The following ABI3BP variants were observed in gnomAD, a reference collection of about 807,000 sequenced individuals.
ABI3BP encodes the protein ABI family member 3 binding protein, also known as target of Nesh-SH3.
Under a neutral mutation model 268.6 loss-of-function variants are expected in ABI3BP, and 216 were observed. The observed-to-expected ratio is 0.80, with a 90% CI of 0.72 to 0.90. The LOEUF (loss-of-function observed/expected upper bound fraction) is 0.90, where lower values mean the gene tolerates loss of function less well. ABI3BP is among the 40% of genes least tolerant of loss of function. The pLI is 0.00. For synonymous variants in ABI3BP, 730 were observed against 730.0 expected (o/e 1.00, Z 0.00); for missense variants, 2,090 against 2,182.4 (o/e 0.96, Z 0.84).
chr3:100,900,735 T>G (rs933262969), intron 3 of ABI3BP, among the ~76,000 whole-genome samples: 1 of 152,178 alleles, frequency 6.6e-6, no homozygotes, highest in African/African-American at 2.4e-5. Flanking sequence ...AGTCATTACA[T>G]TATTCCTAAA....
At position 100,841,194 on chromosome 3, in the gene ABI3BP, C is replaced by CTTTTTTTTTT. The variant is rs60261694; in HGVS notation, c.1766-346_1766-337dup. 2.9e-3 allele frequency among the ~76,000 whole-genome samples: 113 copies of CTTTTTTTTTT among 39,624 alleles called. 8 individuals are homozygous for CTTTTTTTTTT. Among genetic ancestry groups the CTTTTTTTTTT allele is most frequent in the East Asian group, 9.1e-3 (9 of 986 alleles). 26.0% of individuals were successfully genotyped at this position (39,624 alleles called of 152,430 possible). ...AATTGGCTAAGATGGCATTAGAACA[C>CTTTTTTTTTT]TTTTTTTTTTTTTTTTTTTTTTTTT... On this transcript the variant is annotated intron_variant, in intron 21 of 67. Coordinates refer to ENST00000471714, the MANE Select transcript of ABI3BP (RefSeq NM_001375547.2).
Position 100,796,466 on chromosome 3 carries a change from G to C in ABI3BP, c.3760C>G (p.Pro1254Ala), listed in dbSNP as rs774966524. ...SPEVSYTTPA[P>A]KDVLLPHKPY... The stretch of plus-strand genomic sequence containing the variant: ...TTATGAGGAAGGAGCACATCTTTTG[G>C]AGCTGAAAGAAAAAGATTATAAAAC... The change falls in exon 52 of 68, where the codon CCA (proline) becomes GCA (alanine). Residue 1254 changes from proline to alanine, a missense_variant and splice_region_variant. Physicochemically the swap from Pro to Ala is conservative, Grantham distance 27. Transcript: ENST00000471714. 1 of 1,600,484 alleles carries C rather than the reference G, an allele frequency of 6.2e-7. No homozygotes were observed. Among genetic ancestry groups the C allele is most frequent in the Non-Finnish European group, 8.5e-7 (1 of 1,172,968 alleles).
chr3:100,828,482 A>G, intron 33 of ABI3BP, 30 bp from the exon 34 acceptor site: 1 of 1,499,314 alleles, frequency 6.7e-7, no homozygotes, highest in Non-Finnish European at 8.9e-7. Context: ...ATAAAACACC[A>G]ACAAAACATT....
intron 1 of ABI3BP, among the ~76,000 whole-genome samples, chr3:100,971,800 G>A (rs2083723327): frequency 6.6e-6 from 1 of 152,128 alleles, no homozygotes; most frequent in Admixed American, 6.6e-5. Context: ...ATCAAGATGT[G>A]TTTTGCTCTT....
rs760368360 is a variant in ABI3BP at position 100,796,374 on chromosome 3, ACTT to A, written c.3817+32_3817+34del. 10 of 1,494,394 alleles carry A rather than the reference ACTT, an allele frequency of 6.7e-6. No homozygotes were observed. In the South Asian group the frequency reaches 9.6e-5, roughly 14 times the overall value. 92.6% of individuals were successfully genotyped at this position (1,494,394 alleles called of 1,614,324 possible). ...AAGAATTTTTTTTTTTGAAAAATAT[ACTT>A]CTTAGCCAGAAGGATGAAATAATTA... is the stretch of plus-strand genomic sequence containing the variant. On this transcript the variant is annotated intron_variant, in intron 52 of 67. Transcript: ENST00000471714.
rs1045671725 is a variant in ABI3BP at position 100,886,210 on chromosome 3, A to G, written c.575T>C (p.Phe192Ser). The G allele has an allele frequency of 1.2e-6, 2 of 1,608,916 alleles. No homozygotes were observed. Among genetic ancestry groups the G allele is most frequent in the Non-Finnish European group, 1.7e-6 (2 of 1,177,350 alleles). ...ENLKPNTVYE[F>S]GVKDNVEGGI... ...ACCTTCCACATTGTCTTTCACTCCA[A>G]ATTCATAAACTGTGTTGGGCTTTAG... Residue 192 changes from phenylalanine to serine, a missense_variant, in exon 5 of 68, where the codon TTT becomes TCT. Phe to Ser is a radical substitution (Grantham distance 155). Coordinates refer to ENST00000471714, the MANE Select transcript of ABI3BP (RefSeq NM_001375547.2).
intron 4 of ABI3BP, among the ~76,000 whole-genome samples, chr3:100,898,078 G>T (rs1345702739): frequency 2.0e-5 from 3 of 152,190 alleles, no homozygotes; most frequent in Non-Finnish European, 4.4e-5. Context: ...TGGATAAATA[G>T]CAGTAGTTTA....
At chr3:100,761,064 T>G (rs2095912543) in intron 63 of ABI3BP, among the ~76,000 whole-genome samples, 1 of 152,136 alleles carries the variant, frequency 6.6e-6, no homozygotes, top group South Asian at 2.1e-4. Flanking sequence ...GTGTCTGCTG[T>G]TCCCCTCTTT....
intron 65 of ABI3BP, 38 bp from the exon 66 acceptor site, chr3:100,752,986 C>T (rs1259442626): frequency 6.4e-7 from 1 of 1,562,794 alleles, no homozygotes; most frequent in Non-Finnish European, 8.7e-7. Flanking sequence ...GTATCTGACT[C>T]TTGGGTCAGA....
intron 20 of ABI3BP, among the ~76,000 whole-genome samples, chr3:100,844,727 G>GCT (rs142910034): frequency 0.048 from 7,359 of 152,284 alleles, 219 homozygotes; most frequent in Non-Finnish European, 0.052. Context: ...GTCCATTTGA[G>GCT]GGCACAGGCC....
At chr3:100,838,165 C>T (rs1280207177) in intron 26 of ABI3BP, 45 bp downstream of exon 26, 1 of 1,486,070 alleles carries the variant, frequency 6.7e-7, no homozygotes, top group Admixed American at 2.0e-5. Context: ...AGCAATGTTT[C>T]CAAAGAAAAT....
At chr3:100,936,117 C>A (rs184494535) in intron 1 of ABI3BP, among the ~76,000 whole-genome samples, 5 of 152,236 alleles carry the variant, frequency 3.3e-5, no homozygotes, top group African/African-American at 1.2e-4. Context: ...GTGGGTTTGT[C>A]ATAAATAGTT....
chr3:100,797,860 G>C (rs2097397078), intron 51 of ABI3BP, among the ~76,000 whole-genome samples: 1 of 151,994 alleles, frequency 6.6e-6, no homozygotes, highest in African/African-American at 2.4e-5. Context: ...AAAGATTAGT[G>C]GTTGATAAGG....
chr3:100,846,616 C>T, intron 19 of ABI3BP, 170 bp from the exon 20 acceptor site: 4 of 480,146 alleles, frequency 8.3e-6, no homozygotes, highest in Non-Finnish European at 1.5e-5. Context: ...GATCCATTCA[C>T]AGAGAAGTAG....
chr3:100,922,125 C>A (rs1402504977), intron 2 of ABI3BP, among the ~76,000 whole-genome samples: 5 of 152,180 alleles, frequency 3.3e-5, no homozygotes, highest in African/African-American at 9.6e-5. Context: ...AATAAAAATT[C>A]TTTGCTCTTG....
At position 100,848,847 on chromosome 3, in the gene ABI3BP, A is replaced by G; in HGVS notation, c.1530T>C (p.Ser510=). ...PAPQQTTSIP[S]TPKRRPRPKP... is the part of the protein sequence containing the mutation. Reference sequence around the variant, plus strand: ...TGGGCCGGGGGCGTCGTTTAGGTGTAGAAGGGATAGATGTAGTTTGCTGGG... The same window carrying G: ...TGGGCCGGGGGCGTCGTTTAGGTGTGGAAGGGATAGATGTAGTTTGCTGGG... Residue 510 remains serine, a synonymous_variant, in exon 18 of 68, where the codon TCT becomes TCC. Coordinates refer to ENST00000471714, the MANE Select transcript of ABI3BP (RefSeq NM_001375547.2). The G allele has an allele frequency of 6.2e-7, 1 of 1,613,292 alleles. No homozygotes were observed. The highest frequency in any genetic ancestry group is 1.3e-5 in the African/African-American group (1 of 75,012).
chr3:100,878,622 C>A (rs1177687109), intron 6 of ABI3BP, among the ~76,000 whole-genome samples: 1 of 152,182 alleles, frequency 6.6e-6, no homozygotes, highest in Non-Finnish European at 1.5e-5. Context: ...CTCAGCTTTG[C>A]AGTTATATGG....
At chr3:100,822,137 C>T (rs2098250458) in intron 38 of ABI3BP, among the ~76,000 whole-genome samples, 1 of 152,156 alleles carries the variant, frequency 6.6e-6, no homozygotes, top group Non-Finnish European at 1.5e-5. Flanking sequence ...GATACTGCCC[C>T]ATACCATCTT....
At chr3:100,754,563 A>G in intron 64 of ABI3BP, 49 bp downstream of exon 64, 1 of 1,499,716 alleles carries the variant, frequency 6.7e-7, no homozygotes, top group South Asian at 1.2e-5. Flanking sequence ...ACATTGCTCC[A>G]CTGTGGCCCT....
Sources: gnomAD v4.1 joint callset for allele counts (sites outside exome capture counted in the v4.1 genomes callset) on GRCh38, gnomAD v4.1.1 for gene constraint, MANE v1.5 for transcripts, NCBI Gene and HGNC (gene_info 2026-07-23, HGNC 2026-07-21) for gene names.